MIPOL1: variants seen among roughly 807,000 people sequenced by gnomAD.
The protein encoded by MIPOL1 is mirror-image polydactyly 1, also known as mirror-image polydactyly gene 1 protein.
In MIPOL1, 57 loss-of-function variants were observed where a neutral mutation model predicts 60.9. The observed-to-expected ratio is 0.94, with a 90% CI of 0.76 to 1.17. MIPOL1 has a LOEUF of 1.17. Among genes scored for constraint, MIPOL1 ranks in the 50% most tolerant of loss-of-function variants. The pLI is 0.00. For missense variants in MIPOL1, 551 were observed against 511.6 expected (o/e 1.08, Z -0.74); for synonymous variants, 179 against 168.8 (o/e 1.06, Z -0.47).
intron 11 of MIPOL1, among the ~76,000 whole-genome samples, chr14:37,444,802 T>C (rs1368143893): frequency 2.0e-5 from 3 of 152,142 alleles, no homozygotes; most frequent in Admixed American, 1.3e-4. Flanking sequence ...ATCCGGCATA[T>C]AAACAGAACC....
At chr14:37,428,252 A>G (rs1415923966) in intron 11 of MIPOL1, among the ~76,000 whole-genome samples, 1 of 152,166 alleles carries the variant, frequency 6.6e-6, no homozygotes, top group Admixed American at 6.6e-5. Context: ...TCTTCGTTTT[A>G]GGGGCAGATT....
At chr14:37,206,737 G>C (rs1210201289) in intron 1 of MIPOL1, among the ~76,000 whole-genome samples, 1 of 152,228 alleles carries the variant, frequency 6.6e-6, no homozygotes, top group South Asian at 2.1e-4. Flanking sequence ...TCTTGCATCA[G>C]TGTGACCTGC....
intron 11 of MIPOL1, among the ~76,000 whole-genome samples, chr14:37,468,053 CAAAA>C (rs1231830627): frequency 4.9e-5 from 5 of 101,778 alleles, no homozygotes; most frequent in Non-Finnish European, 6.2e-5. Context: ...GTCTCCATCT[CAAAA>C]AAAAAAAAAA....
rs2153644678 is a variant in MIPOL1 at position 37,546,956 on chromosome 14, G to A, written c.1314G>A (p.Met438Ile). 2 of 1,613,318 alleles carry A rather than the reference G, an allele frequency of 1.2e-6. No individual in the cohort carries two copies. The highest frequency in any genetic ancestry group is 1.7e-6 in the Non-Finnish European group (2 of 1,179,560). Residue 438 changes from methionine (M) to isoleucine (I), a missense_variant, in exon 13 of 13, where the codon ATG becomes ATA. Physicochemically the swap from Met to Ile is conservative, Grantham distance 10. Coordinates refer to ENST00000684589, the MANE Select transcript of MIPOL1 (RefSeq NM_001388067.1). Reference protein sequence around the residue: ...VLRKKVGTGTMRTVI With the variant: ...VLRKKVGTGTIRTVI ...GGAAGAAGGTTGGAACCGGGACCAT[G>A]AGGACAGTGATCTGATTGAAAAAAA...
At chr14:37,526,932 C>G (rs937299472) in intron 12 of MIPOL1, among the ~76,000 whole-genome samples, 1 of 152,064 alleles carries the variant, frequency 6.6e-6, no homozygotes, top group Admixed American at 6.5e-5. Flanking sequence ...GCATTCACTA[C>G]TATTGAGTAA....
At chr14:37,224,198 A>C (rs1969309275) in intron 1 of MIPOL1, among the ~76,000 whole-genome samples, 1 of 152,148 alleles carries the variant, frequency 6.6e-6, no homozygotes, top group South Asian at 2.1e-4. Context: ...GTGTTTTACC[A>C]GGCAGGTGTG....
At chr14:37,385,761 A>G (rs1223431116) in intron 10 of MIPOL1, 1 of 152,056 alleles carries the variant, frequency 6.6e-6, no homozygotes, top group Non-Finnish European at 1.5e-5. Context: ...ACTGACTAGA[A>G]AAAGTTGATG....
At chr14:37,364,194 C>T (rs1386246203) in intron 9 of MIPOL1, among the ~76,000 whole-genome samples, 2 of 152,220 alleles carry the variant, frequency 1.3e-5, no homozygotes, top group East Asian at 1.9e-4. Flanking sequence ...GTTGGAAATG[C>T]AGAAATCACC....
chr14:37,356,581 C>G (rs534184175), intron 9 of MIPOL1, among the ~76,000 whole-genome samples: 1 of 152,134 alleles, frequency 6.6e-6, no homozygotes, highest in African/African-American at 2.4e-5. Context: ...TAGGACCCTC[C>G]GAGCCAGGTG....
chr14:37,268,613 T>C (rs766681793), intron 4 of MIPOL1, 45 bp from the exon 5 acceptor site: 1 of 1,458,868 alleles, frequency 6.9e-7, no homozygotes, highest in South Asian at 1.3e-5. Context: ...TGTCAAAAAA[T>C]TAGTTTATCT....
chr14:37,389,241 A>C (rs1277943843), intron 10 of MIPOL1, among the ~76,000 whole-genome samples: 1 of 151,912 alleles, frequency 6.6e-6, no homozygotes, highest in Admixed American at 6.6e-5. Flanking sequence ...AAAAAAAAAC[A>C]AAAAACAGAT....
At chr14:37,446,930 G>C (rs1051559489) in intron 11 of MIPOL1, among the ~76,000 whole-genome samples, 16 of 151,944 alleles carry the variant, frequency 1.1e-4, no homozygotes, top group African/African-American at 3.6e-4. Flanking sequence ...GTTGTGGGGT[G>C]GGGGGAGTGG....
At position 37,285,318 on chromosome 14, in the gene MIPOL1, C is replaced by T. The variant is rs770091528; in HGVS notation, c.494C>T (p.Ala165Val). ...TEAKIAEKTA[A>V]LVEEVYFAQK... ...TTGTGCGCTTTATATATTTTGGTAG[C>T]TCTGGTTGAAGAAGTGTATTTTGCG... The change falls in exon 7 of 13, where the codon GCT becomes GTT. Residue 165 changes from alanine to valine, a missense_variant and splice_region_variant. Coordinates refer to ENST00000684589, the MANE Select transcript of MIPOL1 (RefSeq NM_001388067.1). 1.2e-6 allele frequency: 2 copies of T among 1,613,692 alleles called. No individual in the cohort carries two copies. The highest frequency in any genetic ancestry group is 1.7e-6 in the Non-Finnish European group (2 of 1,179,854).
At chr14:37,406,116 CTTAT>C (rs1656202912) in intron 10 of MIPOL1, among the ~76,000 whole-genome samples, 3 of 151,890 alleles carry the variant, frequency 2.0e-5, no homozygotes, top group Admixed American at 1.3e-4. Context: ...TATTATGGTG[CTTAT>C]TTGAGTATCC....
chr14:37,325,803 C>T (rs997197850), intron 9 of MIPOL1, among the ~76,000 whole-genome samples: 3 of 152,108 alleles, frequency 2.0e-5, no homozygotes, highest in African/African-American at 4.8e-5. Context: ...ATAGTGGCAA[C>T]CCAGTTTCCT....
At chr14:37,528,795 A>G (rs2095463329) in intron 12 of MIPOL1, among the ~76,000 whole-genome samples, 2 of 152,170 alleles carry the variant, frequency 1.3e-5, no homozygotes, top group East Asian at 1.9e-4. Context: ...CCTAATAGAA[A>G]AGAATGATGT....
chr14:37,527,573 G>T (rs1184456747), intron 12 of MIPOL1, among the ~76,000 whole-genome samples: 2 of 151,998 alleles, frequency 1.3e-5, no homozygotes, highest in Admixed American at 1.3e-4. Flanking sequence ...GAACAAACAG[G>T]ATCAAAACAC....
chr14:37,275,732 T>C (rs2083608196), intron 6 of MIPOL1, among the ~76,000 whole-genome samples: 1 of 151,182 alleles, frequency 6.6e-6, no homozygotes, highest in Non-Finnish European at 1.5e-5. Context: ...AAAATATTTG[T>C]ATTTCTTTAA....
At chr14:37,309,666 A>T (rs938727932) in intron 9 of MIPOL1, among the ~76,000 whole-genome samples, 1 of 149,292 alleles carries the variant, frequency 6.7e-6, no homozygotes, top group African/African-American at 2.5e-5. Flanking sequence ...TAGCTCATTC[A>T]TGCTAGAACT....
Sources: gnomAD v4.1 joint callset for allele counts (sites outside exome capture counted in the v4.1 genomes callset) on GRCh38, gnomAD v4.1.1 for gene constraint, MANE v1.5 for transcripts, NCBI Gene and HGNC (gene_info 2026-07-23, HGNC 2026-07-21) for gene names.